TENM1: variants seen among roughly 807,000 people sequenced by gnomAD.
TENM1 encodes the protein teneurin transmembrane protein 1.
Under a neutral mutation model 174.8 loss-of-function variants are expected in TENM1, and 35 were observed. The observed-to-expected ratio is 0.20, with a 90% CI of 0.15 to 0.27. The LOEUF (loss-of-function observed/expected upper bound fraction) is 0.27, where lower values mean the gene tolerates loss of function less well. TENM1 is among the 10% of genes least tolerant of loss of function. TENM1 has a pLI of 1.00. For synonymous variants in TENM1, 781 were observed against 798.7 expected, an observed-to-expected ratio of 0.98 and a Z score of 0.37; for missense variants, 1,633 against 2,130.1, an observed-to-expected ratio of 0.77 and a Z score of 4.59.
At chrX:124,832,803 G>A (rs779627839) in intron 3 of TENM1, among the ~76,000 whole-genome samples, 1 of 111,679 alleles carries the variant, frequency 9.0e-6, no homozygotes, top group Non-Finnish European at 1.9e-5. Flanking sequence ...TTGAACTTTC[G>A]GGCTCAAGAG....
At chrX:124,677,876 T>C (rs771107071) in intron 5 of TENM1, among the ~76,000 whole-genome samples, 1 of 111,751 alleles carries the variant, frequency 8.9e-6, no homozygotes, top group Non-Finnish European at 1.9e-5. Flanking sequence ...TGTTAATGTC[T>C]TAGTTTTAGT....
chrX:125,004,254 C>T, the TENM1 span, among the ~76,000 whole-genome samples: 5 of 111,697 alleles, frequency 4.5e-5, no homozygotes, highest in Non-Finnish European at 7.5e-5. Context: ...TGAGATAGAG[C>T]CTGTGGATTT....
chrX:124,468,231 A>G (rs921894098), intron 22 of TENM1, among the ~76,000 whole-genome samples: 3 of 109,054 alleles, frequency 2.8e-5, no homozygotes, highest in African/African-American at 6.7e-5. Context: ...GCTGGAGTGC[A>G]GTGGCGTGAT....
At chrX:125,052,600 C>T in the TENM1 span, among the ~76,000 whole-genome samples, 8 of 111,510 alleles carry the variant, frequency 7.2e-5, no homozygotes, top group East Asian at 2.0e-3. Context: ...ACTAGATTTC[C>T]CAACCCCTTT....
At chrX:124,740,071 A>C (rs2053764233) in intron 3 of TENM1, among the ~76,000 whole-genome samples, 1 of 111,932 alleles carries the variant, frequency 8.9e-6, no homozygotes, top group South Asian at 3.8e-4. Context: ...GATGTGAAAA[A>C]AGCACCAGTG....
chrX:124,641,265 C>A (rs768753723), intron 11 of TENM1, among the ~76,000 whole-genome samples: 1 of 111,750 alleles, frequency 8.9e-6, no homozygotes, highest in African/African-American at 3.3e-5. Flanking sequence ...GACTAGGACA[C>A]TTGAAGTTTA....
chrX:124,969,447 T>A, the TENM1 span, among the ~76,000 whole-genome samples: 1 of 112,084 alleles, frequency 8.9e-6, no homozygotes, highest in South Asian at 3.7e-4. Flanking sequence ...CAACTTAGTA[T>A]GTGGAAATCA....
the TENM1 span, among the ~76,000 whole-genome samples, chrX:125,061,428 G>A: frequency 8.9e-6 from 1 of 111,874 alleles, no homozygotes; most frequent in Non-Finnish European, 1.9e-5. Flanking sequence ...TTTTATATAT[G>A]CCCCCTGTTT....
intron 3 of TENM1, among the ~76,000 whole-genome samples, chrX:124,855,101 CTTAA>C (rs2056790191): frequency 9.0e-6 from 1 of 111,163 alleles, no homozygotes; most frequent in African/African-American, 3.3e-5. Context: ...GATGTTCTGG[CTTAA>C]TTAAAGTTAT....
At chrX:124,401,438 T>C (rs1254516475) in intron 27 of TENM1, among the ~76,000 whole-genome samples, 1 of 112,258 alleles carries the variant, frequency 8.9e-6, no homozygotes, top group Non-Finnish European at 1.9e-5. Flanking sequence ...ACAGCTCTGA[T>C]AGCTCCACCT....
the TENM1 span, among the ~76,000 whole-genome samples, chrX:125,035,562 C>G: frequency 9.0e-6 from 1 of 110,888 alleles, no homozygotes; most frequent in South Asian, 3.8e-4. Flanking sequence ...GGGGTATATG[C>G]AGCAACTCTA....
At chrX:125,188,385 A>T in the TENM1 span, among the ~76,000 whole-genome samples, 1 of 110,957 alleles carries the variant, frequency 9.0e-6, no homozygotes, top group East Asian at 2.8e-4. Flanking sequence ...AAGGAAAGAA[A>T]AGAAAAGAAA....
chrX:124,998,156 G>A, the TENM1 span, among the ~76,000 whole-genome samples: 1 of 107,871 alleles, frequency 9.3e-6, no homozygotes, highest in African/African-American at 3.4e-5. Flanking sequence ...ATTGCCACTA[G>A]TTTCTTTTTA....
chrX:125,149,142 T>C, the TENM1 span, among the ~76,000 whole-genome samples: 1 of 38,121 alleles, frequency 2.6e-5, no homozygotes, highest in Non-Finnish European at 4.7e-5. Context: ...CACTGGAACA[T>C]ATGACATGCA....
the TENM1 span, among the ~76,000 whole-genome samples, chrX:125,060,723 C>G: frequency 9.1e-6 from 1 of 110,098 alleles, no homozygotes; most frequent in African/African-American, 3.3e-5. Flanking sequence ...AGAATACTCA[C>G]GAGGCAGCTT....
At chrX:124,916,012 T>C (rs776357901) in intron 1 of TENM1, among the ~76,000 whole-genome samples, 15 of 111,694 alleles carry the variant, frequency 1.3e-4, no homozygotes, top group Admixed American at 1.3e-3. Context: ...ACTTTCAGCA[T>C]CTCTAGACCA....
chrX:124,604,193 T>G (rs957400197), intron 11 of TENM1, among the ~76,000 whole-genome samples: 2 of 111,554 alleles, frequency 1.8e-5, no homozygotes, highest in Admixed American at 1.9e-4. Flanking sequence ...AAAGGCAGTC[T>G]GCTCTACCTT....
chrX:124,438,743 C>T (rs2060871998), intron 23 of TENM1, among the ~76,000 whole-genome samples: 1 of 111,479 alleles, frequency 9.0e-6, no homozygotes, highest in Non-Finnish European at 1.9e-5. Flanking sequence ...AGGATGTTGG[C>T]CTGCTGTTCT....
chrX:124,789,374 C>T (rs1325337898), intron 3 of TENM1, among the ~76,000 whole-genome samples: 1 of 111,565 alleles, frequency 9.0e-6, no homozygotes, highest in Non-Finnish European at 1.9e-5. Context: ...CATTTGTCTC[C>T]TCATTACTTA....
Sources: gnomAD v4.1 joint callset for allele counts (sites outside exome capture counted in the v4.1 genomes callset) on GRCh38, gnomAD v4.1.1 for gene constraint, MANE v1.5 for transcripts, NCBI Gene and HGNC (gene_info 2026-07-23, HGNC 2026-07-21) for gene names.